ASAP1: variants seen among roughly 807,000 people sequenced by gnomAD.
ASAP1 encodes arf-GAP with SH3 domain, ANK repeat and PH domain-containing protein 1.
In ASAP1, 43 loss-of-function variants were observed where a neutral mutation model predicts 145.2. The observed-to-expected ratio is 0.30, with a 90% CI of 0.23 to 0.38. ASAP1 has a LOEUF of 0.38. Among genes scored for constraint, ASAP1 ranks in the 10% least tolerant of loss-of-function variants. ASAP1 has a pLI of 1.00. For synonymous variants in ASAP1, 546 were observed against 515.5 expected (o/e 1.06, Z -0.80); for missense variants, 1,018 against 1,355.3 (o/e 0.75, Z 3.91).
At chr8:130,276,631 AATGG>A (rs1820898044) in intron 3 of ASAP1, among the ~76,000 whole-genome samples, 1 of 148,618 alleles carries the variant, frequency 6.7e-6, no homozygotes, top group Non-Finnish European at 1.5e-5. Context: ...ATTCTGACCA[AATGG>A]ATTTGTGATT....
At chr8:130,274,299 G>A (rs1820752224) in intron 3 of ASAP1, among the ~76,000 whole-genome samples, 1 of 152,176 alleles carries the variant, frequency 6.6e-6, no homozygotes, top group Non-Finnish European at 1.5e-5. Flanking sequence ...AAAGATGGAG[G>A]TTCAACTGGG....
intron 4 of ASAP1, among the ~76,000 whole-genome samples, chr8:130,227,756 C>A (rs905990191): frequency 6.6e-6 from 1 of 151,316 alleles, no homozygotes. Flanking sequence ...TTCCAAAAAC[C>A]CCTGAAATTG....
intron 2 of ASAP1, among the ~76,000 whole-genome samples, chr8:130,400,683 T>C (rs1828752174): frequency 1.3e-5 from 2 of 149,258 alleles, no homozygotes; most frequent in Admixed American, 6.7e-5. Context: ...CCCAGCTACT[T>C]GGGAGGCTGA....
At chr8:130,283,433 C>T (rs1274736019) in intron 3 of ASAP1, among the ~76,000 whole-genome samples, 1 of 151,904 alleles carries the variant, frequency 6.6e-6, no homozygotes, top group African/African-American at 2.4e-5. Context: ...CAAAAAGTAG[C>T]TGCGCATGGT....
chr8:130,098,201 C>A (rs1176168687), intron 24 of ASAP1, among the ~76,000 whole-genome samples: 3 of 152,188 alleles, frequency 2.0e-5, no homozygotes, highest in African/African-American at 7.2e-5. Flanking sequence ...TACGTCCAGG[C>A]AGAACCCCAT....
chr8:130,177,053 G>A, intron 9 of ASAP1, among the ~76,000 whole-genome samples: 1 of 152,152 alleles, frequency 6.6e-6, no homozygotes, highest in East Asian at 1.9e-4. Context: ...GATTAATAAT[G>A]GATCTGACTT....
At chr8:130,275,698 A>G (rs1054830800) in intron 3 of ASAP1, among the ~76,000 whole-genome samples, 2 of 152,218 alleles carry the variant, frequency 1.3e-5, no homozygotes, top group Non-Finnish European at 2.9e-5. Context: ...TGATGCTTTT[A>G]AAATTATGTT....
intron 25 of ASAP1, among the ~76,000 whole-genome samples, chr8:130,080,789 C>T (rs765023604): frequency 1.3e-5 from 2 of 152,052 alleles, no homozygotes; most frequent in Non-Finnish European, 1.5e-5. Flanking sequence ...TATACCACCA[C>T]GCCCAGCTAA....
At chr8:130,281,717 G>A (rs537764890) in intron 3 of ASAP1, among the ~76,000 whole-genome samples, 23 of 152,318 alleles carry the variant, frequency 1.5e-4, no homozygotes, top group Admixed American at 2.6e-4. Flanking sequence ...TTTCCTCTAA[G>A]AAACTCTGCA....
intron 1 of ASAP1, among the ~76,000 whole-genome samples, chr8:130,408,581 C>T (rs1586991729): frequency 1.3e-5 from 2 of 152,184 alleles, no homozygotes; most frequent in Non-Finnish European, 2.9e-5. Flanking sequence ...GCAGATCAGC[C>T]TCCATAATCA....
At chr8:130,291,942 C>G (rs1181317464) in intron 3 of ASAP1, among the ~76,000 whole-genome samples, 2 of 152,162 alleles carry the variant, frequency 1.3e-5, no homozygotes, top group Non-Finnish European at 2.9e-5. Context: ...GCGCCTGATG[C>G]TTGTCTATTC....
chr8:130,434,174 T>C (rs116048927), intron 1 of ASAP1, among the ~76,000 whole-genome samples: 4,805 of 152,138 alleles, frequency 0.032, 96 homozygotes, highest in African/African-American at 0.058. Flanking sequence ...AAATTAACTG[T>C]GCCTGGTGGC....
At chr8:130,378,057 T>C (rs969645864) in intron 2 of ASAP1, among the ~76,000 whole-genome samples, 1 of 152,216 alleles carries the variant, frequency 6.6e-6, no homozygotes, top group African/African-American at 2.4e-5. Context: ...TGTTTCCCAG[T>C]GAGGTAAAAG....
rs1183260584 is a variant in ASAP1 at position 130,358,215 on chromosome 8, GC to G, written c.60-73del. 8.6e-5 allele frequency: 118 copies of G among 1,379,352 alleles called. No individual in the cohort carries two copies. In the African/African-American group the frequency reaches 1.6e-3, roughly 18 times the overall value. 85.4% of individuals were successfully genotyped at this position (1,379,352 alleles called of 1,614,324 possible). ...GCGCAGGCTCCCGGGGCCGCGGGCCGCCCGGAGGCTCATGAACCCCGGCGCG... is the reference window on the plus strand; with the variant it reads ...GCGCAGGCTCCCGGGGCCGCGGGCCGCCGGAGGCTCATGAACCCCGGCGCG... On this transcript the variant is annotated intron_variant, in intron 2 of 29. Transcript: ENST00000518721. This position sits in a 1 kb window ranked among gnomAD's most constrained non-coding sequence, Gnocchi z 4.1.
At chr8:130,151,430 T>C (rs1018962829) in intron 13 of ASAP1, among the ~76,000 whole-genome samples, 6 of 74,932 alleles carry the variant, frequency 8.0e-5, no homozygotes, top group African/African-American at 2.3e-4. Flanking sequence ...AAGAAATGAA[T>C]AACTGTTAGA....
At chr8:130,125,889 C>T (rs990246482) in intron 17 of ASAP1, 67 bp downstream of exon 17, 30 of 1,487,650 alleles carry the variant, frequency 2.0e-5, no homozygotes, top group Admixed American at 2.3e-5. Flanking sequence ...AAAAAAAATC[C>T]AAAACAATAT....
chr8:130,074,912 A>G (rs2097458822), intron 27 of ASAP1, among the ~76,000 whole-genome samples: 1 of 152,194 alleles, frequency 6.6e-6, no homozygotes, highest in Admixed American at 6.5e-5. Flanking sequence ...AACCCAGCAC[A>G]GGAGGGGCAG....
At chr8:130,116,782 A>G (rs755754862) in intron 21 of ASAP1, 37 bp from the exon 22 acceptor site, 1 of 1,602,576 alleles carries the variant, frequency 6.2e-7, no homozygotes, top group Non-Finnish European at 8.5e-7. Context: ...ATAATTATCT[A>G]GGAAACACCT....
intron 13 of ASAP1, among the ~76,000 whole-genome samples, chr8:130,151,144 G>C (rs550731117): frequency 4.6e-5 from 7 of 151,946 alleles, no homozygotes; most frequent in Non-Finnish European, 7.4e-5. Flanking sequence ...AGGCCGAAGC[G>C]GGCAGATCAC....
Sources: gnomAD v4.1 joint callset for allele counts (sites outside exome capture counted in the v4.1 genomes callset) on GRCh38, gnomAD v4.1.1 for gene constraint, Gnocchi (gnomAD v3.1) non-coding constraint, MANE v1.5 for transcripts, NCBI Gene and HGNC (gene_info 2026-07-23, HGNC 2026-07-21) for gene names.